The following RTN1 variants were observed in gnomAD, a reference collection of about 807,000 sequenced individuals.
The protein encoded by RTN1 is reticulon 1, also known as reticulon-1.
A neutral mutation model predicts 65.5 loss-of-function variants in RTN1; 25 were observed. The observed-to-expected ratio is 0.38, with a 90% CI of 0.28 to 0.53. RTN1 has a LOEUF of 0.53. Ranked by LOEUF, RTN1 falls within the 20% of genes least tolerant of loss-of-function variation. The pLI is 0.79. For synonymous variants in RTN1, 471 were observed against 447.6 expected, an observed-to-expected ratio of 1.05 and a Z score of -0.66; for missense variants, 983 against 1,025.4, an observed-to-expected ratio of 0.96 and a Z score of 0.57.
chr14:59,745,050 G>A (rs111823204), intron 2 of RTN1, among the ~76,000 whole-genome samples: 2,557 of 152,172 alleles, frequency 0.017, 73 homozygotes, highest in African/African-American at 0.059. Flanking sequence ...AAGAGTTAAC[G>A]GATTAATGGA....
At chr14:59,772,044 G>A (rs141982683) in intron 1 of RTN1, among the ~76,000 whole-genome samples, 74 of 152,258 alleles carry the variant, frequency 4.9e-4, no homozygotes, top group Non-Finnish European at 7.4e-4. Context: ...AATAAAAGCT[G>A]AACAAATAGA....
intron 3 of RTN1, among the ~76,000 whole-genome samples, chr14:59,718,218 G>C (rs1195009036): frequency 6.6e-6 from 1 of 152,166 alleles, no homozygotes; most frequent in African/African-American, 2.4e-5. Flanking sequence ...TGCCATTACA[G>C]AGACGGGGCG....
Position 59,840,121 on chromosome 14 carries a change from A to T in RTN1, c.241+30269T>A, listed in dbSNP as rs1169263409. On this transcript the variant is annotated intron_variant, in intron 1 of 8. Coordinates refer to ENST00000267484, the MANE Select transcript of RTN1 (RefSeq NM_021136.3). ...GCAGTTCTATTTCTGATTCTATTCC[A>T]TTCTAGGATGGGCCTATCCTGGTTT... 2.0e-5 allele frequency among the ~76,000 whole-genome samples: 3 copies of T among 151,924 alleles called. No individual in the cohort carries two copies. The East Asian group carries it at 5.8e-4, about 29-fold the overall frequency.
chr14:59,636,377 C>T (rs148459835), intron 3 of RTN1, among the ~76,000 whole-genome samples: 9 of 152,222 alleles, frequency 5.9e-5, no homozygotes, highest in Middle Eastern at 3.4e-3. Flanking sequence ...GCTCCACTCT[C>T]GCCATGTGAT....
chr14:59,608,910 A>G (rs964712440), intron 3 of RTN1, among the ~76,000 whole-genome samples: 2 of 151,882 alleles, frequency 1.3e-5, no homozygotes, highest in East Asian at 3.9e-4. Context: ...GGCAAAAATA[A>G]AAAATAAAAA....
chr14:59,734,687 CA>C (rs1219707772), intron 2 of RTN1, among the ~76,000 whole-genome samples: 3 of 151,714 alleles, frequency 2.0e-5, no homozygotes, highest in Admixed American at 1.3e-4. Context: ...AGAATAGAGA[CA>C]AAAGAATGAA....
In RTN1 at chr14:59,638,083, C is replaced by T. The variant is rs576400079; in HGVS notation, c.1766-30591G>A. Among the ~76,000 whole-genome samples the T allele has an allele frequency of 4.6e-5, 7 of 152,244 alleles. No homozygotes were observed. The South Asian group carries it at 1.5e-3, about 32-fold the overall frequency. ...GCCAGGCTGGCCTCGAACTCCTGAT[C>T]TCAGGTGATCCGCCCCCTTCAGTCT... On this transcript the variant is annotated intron_variant, in intron 3 of 8. Coordinates refer to ENST00000267484, the MANE Select transcript of RTN1 (RefSeq NM_021136.3).
chr14:59,818,978 T>C (rs2139623167), intron 1 of RTN1, among the ~76,000 whole-genome samples: 1 of 152,268 alleles, frequency 6.6e-6, no homozygotes, highest in East Asian at 1.9e-4. Flanking sequence ...TCTGGAATTG[T>C]CCGTTCCTTC....
At chr14:59,723,592 G>C (rs1249948564) in intron 3 of RTN1, among the ~76,000 whole-genome samples, 2 of 151,944 alleles carry the variant, frequency 1.3e-5, no homozygotes, top group Admixed American at 6.6e-5. Flanking sequence ...CTCCAGCCTG[G>C]GCAACAGAGC....
intron 3 of RTN1, among the ~76,000 whole-genome samples, chr14:59,622,077 T>C (rs944273691): frequency 1.3e-5 from 2 of 152,222 alleles, no homozygotes; most frequent in African/African-American, 2.4e-5. Flanking sequence ...GGCTCACACC[T>C]GTAACCCCAG....
chr14:59,635,721 A>G (rs1882652164), intron 3 of RTN1, among the ~76,000 whole-genome samples: 1 of 152,194 alleles, frequency 6.6e-6, no homozygotes, highest in Non-Finnish European at 1.5e-5. Context: ...AACAATAGAA[A>G]TTAGGAAAGG....
chr14:59,623,764 TA>T (rs1285389288), intron 3 of RTN1, among the ~76,000 whole-genome samples: 1 of 151,996 alleles, frequency 6.6e-6, no homozygotes, highest in Non-Finnish European at 1.5e-5. Flanking sequence ...GGTTCCTTTT[TA>T]AAAAAAATGA....
chr14:59,638,441 CA>C (rs896920288), intron 3 of RTN1, among the ~76,000 whole-genome samples: 1 of 152,120 alleles, frequency 6.6e-6, no homozygotes, highest in African/African-American at 2.4e-5. Context: ...TGAGCATAGA[CA>C]GAGTAGAGTA....
At position 59,596,365 on chromosome 14, in the gene RTN1, T is replaced by C. The variant is rs1290330690; in HGVS notation, c.*380A>G. ...CCAAGGACATATAAGCGATTTCCAC[T>C]ATTGCATCAGAGCACTCGGCAGGAA... On this transcript the variant is annotated 3_prime_UTR_variant, in exon 9 of 9. Coordinates refer to ENST00000267484, the MANE Select transcript of RTN1 (RefSeq NM_021136.3). 6.0e-6 allele frequency: 1 copy of C among 166,230 alleles called. No homozygotes were observed. Among genetic ancestry groups the C allele is most frequent in the African/African-American group, 2.4e-5 (1 of 41,786 alleles). The allele number at this position is 166,230 out of a possible 1,614,324, so 10.3% of individuals were successfully genotyped here.
intron 3 of RTN1, among the ~76,000 whole-genome samples, chr14:59,667,083 G>A (rs2140211701): frequency 6.7e-6 from 1 of 149,730 alleles, no homozygotes; most frequent in East Asian, 2.0e-4. Flanking sequence ...AATAGAAAAA[G>A]AGGGAATCCT....
Position 59,749,575 on chromosome 14 carries a change from A to ATATT in RTN1, c.242-3095_242-3094insAATA, listed in dbSNP as rs1566712226. Among the ~76,000 whole-genome samples, 3 of 48,526 alleles carry ATATT rather than the reference A, an allele frequency of 6.2e-5. 1 individual carries two copies. Among genetic ancestry groups the ATATT allele is most frequent in the Admixed American group, 3.7e-4 (1 of 2,668 alleles). The allele number at this position is 48,526 out of a possible 152,430, so 31.8% of individuals were successfully genotyped here. The stretch of plus-strand genomic sequence containing the variant: ...TATAGATATCTATATATAGATATAT[A>ATATT]TATATAGATATTTATATATATATCT... On this transcript the variant is annotated intron_variant, in intron 1 of 8. Coordinates refer to ENST00000267484, the MANE Select transcript of RTN1 (RefSeq NM_021136.3).
At chr14:59,597,842 A>C (rs776167956) in intron 8 of RTN1, among the ~76,000 whole-genome samples, 17 of 152,158 alleles carry the variant, frequency 1.1e-4, no homozygotes, top group Admixed American at 6.5e-5. Context: ...ATGAGTGCAG[A>C]GGCATCACAG....
At chr14:59,695,837 T>C (rs1884052324) in intron 3 of RTN1, among the ~76,000 whole-genome samples, 1 of 152,020 alleles carries the variant, frequency 6.6e-6, no homozygotes, top group African/African-American at 2.4e-5. Context: ...ATTATATTTA[T>C]ATATACATAT....
At chr14:59,821,950 A>G (rs1329065223) in intron 1 of RTN1, among the ~76,000 whole-genome samples, 1 of 152,136 alleles carries the variant, frequency 6.6e-6, no homozygotes, top group African/African-American at 2.4e-5. Context: ...TCTATGTTCA[A>G]CAGGGATATT....
Sources: gnomAD v4.1 joint callset for allele counts (sites outside exome capture counted in the v4.1 genomes callset) on GRCh38, gnomAD v4.1.1 for gene constraint, MANE v1.5 for transcripts, NCBI Gene and HGNC (gene_info 2026-07-23, HGNC 2026-07-21) for gene names.